The following RXRA variants were observed in gnomAD, a reference collection of about 807,000 sequenced individuals.
RXRA encodes the protein retinoid X receptor alpha.
In RXRA, 5 loss-of-function variants were observed where a neutral mutation model predicts 44.5. That is an observed-to-expected ratio of 0.11 (90% CI 0.06 to 0.24). RXRA has a LOEUF of 0.24. RXRA is among the 10% of genes least tolerant of loss of function. RXRA has a pLI of 1.00. For synonymous variants in RXRA, 291 were observed against 271.4 expected, an observed-to-expected ratio of 1.07 and a Z score of -0.71; for missense variants, 412 against 646.5, an observed-to-expected ratio of 0.64 and a Z score of 3.93.
Position 134,408,129 on chromosome 9 carries a change from G to A in RXRA, c.280-20G>A. On this transcript the variant is annotated intron_variant, in intron 2 of 9. Coordinates refer to ENST00000481739, the MANE Select transcript of RXRA (RefSeq NM_002957.6). ...AAACCTGGTGTACACCCCGCTGACT[G>A]CTGTGGTTGCCCCCCCCAGCTCAGC... is the stretch of plus-strand genomic sequence containing the variant. 19 of 1,523,794 alleles carry A rather than the reference G, an allele frequency of 1.2e-5. No homozygotes were observed. The highest frequency in any genetic ancestry group is 1.7e-5 in the Non-Finnish European group (19 of 1,141,102). 94.4% of individuals were successfully genotyped at this position (1,523,794 alleles called of 1,614,324 possible).
intron 1 of RXRA, among the ~76,000 whole-genome samples, chr9:134,352,388 C>T (rs2119045531): frequency 6.6e-6 from 1 of 152,156 alleles, no homozygotes; most frequent in Non-Finnish European, 1.5e-5. Flanking sequence ...CATGAGGAAG[C>T]CGGAGGGGCC....
At chr9:134,341,338 G>A (rs1830084287) in intron 1 of RXRA, among the ~76,000 whole-genome samples, 1 of 152,200 alleles carries the variant, frequency 6.6e-6, no homozygotes, top group South Asian at 2.1e-4. Flanking sequence ...GCCACTTCCA[G>A]CCTGGGGTTC....
At chr9:134,337,834 C>T (rs1354813467) in intron 1 of RXRA, among the ~76,000 whole-genome samples, 2 of 152,048 alleles carry the variant, frequency 1.3e-5, no homozygotes, top group African/African-American at 4.8e-5. Context: ...CTTGGATGTC[C>T]TCGGAGCAGA....
intron 7 of RXRA, among the ~76,000 whole-genome samples, chr9:134,431,391 C>T (rs778238901): frequency 6.6e-6 from 1 of 152,222 alleles, no homozygotes; most frequent in Non-Finnish European, 1.5e-5. Context: ...GTAGACATGC[C>T]TCCCTCTGGC....
intron 1 of RXRA, chr9:134,379,289 G>A (rs1029499081): frequency 6.1e-6 from 6 of 986,674 alleles, no homozygotes; most frequent in Non-Finnish European, 4.8e-6. Flanking sequence ...AGCTGTTGCC[G>A]AGGGCACAGA....
Position 134,353,629 on chromosome 9 carries a change from G to T in RXRA, c.28+26970G>T, listed in dbSNP as rs568484636. On this transcript the variant is annotated intron_variant, in intron 1 of 9. Transcript: ENST00000481739. Reference sequence around the variant, plus strand: ...TCTCCCCACAGCTAGCGGGGAGGACGTTGGCAGCTTTTCTGCCTCCTCCTG... The same window carrying T: ...TCTCCCCACAGCTAGCGGGGAGGACTTTGGCAGCTTTTCTGCCTCCTCCTG... Among the ~76,000 whole-genome samples the T allele has an allele frequency of 3.8e-4, 58 of 152,332 alleles. 1 individual carries two copies. The highest frequency in any genetic ancestry group is 8.3e-4 in the South Asian group (4 of 4,834).
intron 1 of RXRA, among the ~76,000 whole-genome samples, chr9:134,334,099 G>A (rs1200626492): frequency 6.6e-6 from 1 of 152,280 alleles, no homozygotes; most frequent in Admixed American, 6.5e-5. Flanking sequence ...CCTGAGGGCC[G>A]TGGAGTGATC....
chr9:134,409,662 G>A (rs1831116217), intron 4 of RXRA, among the ~76,000 whole-genome samples: 1 of 152,204 alleles, frequency 6.6e-6, no homozygotes, highest in Non-Finnish European at 1.5e-5. Context: ...GGGCCCCACA[G>A]GCACTGTGAC....
Position 134,431,135 on chromosome 9 carries a change from C to T in RXRA, c.1044-770C>T, listed in dbSNP as rs1482430223. Among the ~76,000 whole-genome samples the T allele has an allele frequency of 3.9e-5, 6 of 152,374 alleles. No homozygotes were observed. In the East Asian group the frequency reaches 1.2e-3, roughly 29 times the overall value. ...TTAGGCAACCATCCCCACCTGGTCA[C>T]CTCCTTTCCCCCGCTGTGGCCCACC... On this transcript the variant is annotated intron_variant, in intron 7 of 9. Transcript: ENST00000481739.
At chr9:134,338,950 A>G (rs1554747705) in intron 1 of RXRA, among the ~76,000 whole-genome samples, 2 of 152,162 alleles carry the variant, frequency 1.3e-5, no homozygotes, top group Non-Finnish European at 2.9e-5. Context: ...CTTTCTGAGA[A>G]CAAGGAGCCG....
At chr9:134,424,252 C>A (rs1831397033) in intron 6 of RXRA, 1 of 985,416 alleles carries the variant, frequency 1.0e-6, no homozygotes. Flanking sequence ...TAGCCCAGAG[C>A]CCTGGTGCCA....
At chr9:134,415,279 G>A (rs967361884) in intron 4 of RXRA, among the ~76,000 whole-genome samples, 1 of 152,186 alleles carries the variant, frequency 6.6e-6, no homozygotes, top group African/African-American at 2.4e-5. Context: ...GGGAATCAGG[G>A]CAGGACTGGG....
intron 1 of RXRA, among the ~76,000 whole-genome samples, chr9:134,381,214 TTTGAAGAGGCA>T (rs1459347585): frequency 6.6e-6 from 1 of 152,136 alleles, no homozygotes; most frequent in African/African-American, 2.4e-5. Context: ...CTGCAGAGGC[TTTGAAGAGGCA>T]GGCGTATGGG....
In RXRA at chr9:134,358,306, A is replaced by AGCAG. The variant is rs528438211; in HGVS notation, c.28+31669_28+31672dup. Among the ~76,000 whole-genome samples, 500 of 152,258 alleles carry AGCAG rather than the reference A, an allele frequency of 3.3e-3. 2 individuals carry two copies. Among genetic ancestry groups the AGCAG allele is most frequent in the African/African-American group, 0.011 (438 of 41,562 alleles). ...CCGCCACCATCCACTTTCCTCCGGC[A>AGCAG]GCAGGCAGGCAGGCAGGCAGGCAGG... On this transcript the variant is annotated intron_variant, in intron 1 of 9. Transcript: ENST00000481739.
intron 1 of RXRA, among the ~76,000 whole-genome samples, chr9:134,394,534 T>C (rs1830850007): frequency 6.6e-6 from 1 of 152,102 alleles, no homozygotes; most frequent in African/African-American, 2.4e-5. Flanking sequence ...TCTCATGCCC[T>C]GGCAGCTCGC....
chr9:134,411,602 C>G (rs1424669361), intron 4 of RXRA, among the ~76,000 whole-genome samples: 1 of 152,186 alleles, frequency 6.6e-6, no homozygotes, highest in Non-Finnish European at 1.5e-5. Flanking sequence ...CCCTGGAGAC[C>G]AGACTTAGGG....
intron 1 of RXRA, among the ~76,000 whole-genome samples, chr9:134,359,704 C>CGTGGCCCTGGAGCCACGT (rs1055232577): frequency 1.3e-5 from 2 of 152,174 alleles, no homozygotes; most frequent in African/African-American, 2.4e-5. Context: ...GCAGGGGAAG[C>CGTGGCCCTGGAGCCACGT]GTGGCCCTGG....
In RXRA at chr9:134,422,808, G is replaced by A. The variant is rs1411546622; in HGVS notation, c.910+1003G>A. 63 of 985,368 alleles carry A rather than the reference G, an allele frequency of 6.4e-5. 2 individuals carry two copies. Among genetic ancestry groups the A allele is most frequent in the Non-Finnish European group, 4.8e-6 (4 of 829,942 alleles). 61.0% of individuals were successfully genotyped at this position (985,368 alleles called of 1,614,324 possible). ...GGGGTCTCTCAGTGGCCTTCAGAGAGGTAATGGGCTGTCGGTGGAGGTTTG... is the reference window on the plus strand; with the variant it reads ...GGGGTCTCTCAGTGGCCTTCAGAGAAGTAATGGGCTGTCGGTGGAGGTTTG... On this transcript the variant is annotated intron_variant, in intron 6 of 9. Coordinates refer to ENST00000481739, the MANE Select transcript of RXRA (RefSeq NM_002957.6).
At chr9:134,326,701 G>T in intron 1 of RXRA, 42 bp downstream of exon 1, 1 of 593,078 alleles carries the variant, frequency 1.7e-6, no homozygotes, top group Non-Finnish European at 2.1e-6. Context: ...GCCGGGGGCC[G>T]GGGGCCGGCG....
Sources: allele counts gnomAD v4.1 joint callset (sites outside exome capture counted in the v4.1 genomes callset), GRCh38; gene constraint gnomAD v4.1.1; transcripts MANE v1.5; gene names NCBI Gene and HGNC (gene_info 2026-07-23, HGNC 2026-07-21).